Variants in CCDC3 observed in about 807,000 individuals in gnomAD.
CCDC3 encodes the protein coiled-coil domain containing 3.
A neutral mutation model predicts 21.4 loss-of-function variants in CCDC3; 24 were observed. That is an observed-to-expected ratio of 1.12 (90% CI 0.81 to 1.58). CCDC3 has a LOEUF of 1.58. Among genes scored for constraint, CCDC3 ranks in the 40% most tolerant of loss-of-function variants. The probability of loss-of-function intolerance (pLI) is 0.00; values close to 1 mark genes in which losing one functional copy is unlikely to be tolerated. For missense variants in CCDC3, 425 were observed against 360.9 expected, an observed-to-expected ratio of 1.18 and a Z score of -1.44; for synonymous variants, 186 against 166.0, an observed-to-expected ratio of 1.12 and a Z score of -0.93.
At chr10:12,903,851 GA>G (rs35280879) in intron 2 of CCDC3, among the ~76,000 whole-genome samples, 129,651 of 152,220 alleles carry the variant, frequency 0.85, 55,733 homozygotes, top group Middle Eastern at 0.92. Flanking sequence ...ACTGATTGTA[GA>G]AAAAACATTT....
intron 5 of CCDC3, among the ~76,000 whole-genome samples, chr10:13,023,679 G>A (rs961807042): frequency 6.6e-6 from 1 of 152,104 alleles, no homozygotes; most frequent in Non-Finnish European, 1.5e-5. Context: ...GCACTCTCTG[G>A]TCTCTAATGG....
chr10:12,998,164 C>CT (rs1428622665), intron 2 of CCDC3, among the ~76,000 whole-genome samples, 174 bp downstream of exon 2: 4 of 152,072 alleles, frequency 2.6e-5, no homozygotes, highest in East Asian at 3.9e-4. Flanking sequence ...TATGAATGGT[C>CT]TTTTTTAACA....
chr10:12,936,083 C>A (rs1834733179), intron 2 of CCDC3, among the ~76,000 whole-genome samples: 1 of 151,932 alleles, frequency 6.6e-6, no homozygotes, highest in East Asian at 1.9e-4. Context: ...GTATGTAGAT[C>A]CAAGTTTCTG....
chr10:12,983,055 T>C (rs1018780879), intron 2 of CCDC3, among the ~76,000 whole-genome samples: 1 of 147,534 alleles, frequency 6.8e-6, no homozygotes, highest in Non-Finnish European at 1.5e-5. Flanking sequence ...GAGGTTCCAG[T>C]GAGCCAAGGT....
intron 3 of CCDC3, among the ~76,000 whole-genome samples, chr10:13,093,145 C>A (rs769682829): frequency 3.3e-5 from 5 of 151,006 alleles, no homozygotes; most frequent in African/African-American, 4.9e-5. Flanking sequence ...TAAAGATATA[C>A]CTGATACTGG....
chr10:12,914,382 CT>C (rs776375807), intron 2 of CCDC3, among the ~76,000 whole-genome samples: 47 of 152,008 alleles, frequency 3.1e-4, no homozygotes, highest in Non-Finnish European at 6.0e-4. Flanking sequence ...CTGTGGTAGT[CT>C]TTTTTAGTCA....
chr10:12,966,245 A>G (rs61851347), intron 2 of CCDC3, among the ~76,000 whole-genome samples: 1,672 of 122,550 alleles, frequency 0.014, 1 homozygote, highest in South Asian at 0.022. Flanking sequence ...ACTATATGGT[A>G]CTCAGTTACC....
At chr10:13,077,037 G>C (rs1387259220) in intron 3 of CCDC3, among the ~76,000 whole-genome samples, 1 of 152,174 alleles carries the variant, frequency 6.6e-6, no homozygotes, top group African/African-American at 2.4e-5. Context: ...AAGAAATAAA[G>C]GGTATTCAAT....
chr10:12,971,679 C>G (rs1270555878), intron 2 of CCDC3, among the ~76,000 whole-genome samples: 3 of 152,126 alleles, frequency 2.0e-5, no homozygotes, highest in African/African-American at 7.2e-5. Context: ...TGCCCAAGCC[C>G]CGAAGTTTTT....
At chr10:12,969,790 C>G (rs186691077) in intron 2 of CCDC3, among the ~76,000 whole-genome samples, 85 of 149,452 alleles carry the variant, frequency 5.7e-4, no homozygotes, top group African/African-American at 2.0e-3. Context: ...AAGAGGAAAT[C>G]CTGTCATTTG....
At chr10:12,905,870 GAA>G (rs1834163076) in intron 2 of CCDC3, among the ~76,000 whole-genome samples, 1 of 152,194 alleles carries the variant, frequency 6.6e-6, no homozygotes. Flanking sequence ...GGTTAATTCT[GAA>G]AAGTTTACAT....
intron 4 of CCDC3, among the ~76,000 whole-genome samples, chr10:13,057,620 C>G (rs548946595): frequency 6.6e-6 from 1 of 151,994 alleles, no homozygotes; most frequent in Non-Finnish European, 1.5e-5. Context: ...GGGCTCACAC[C>G]TGTAATCCCA....
chr10:12,954,529 G>T (rs1442594750), intron 2 of CCDC3, among the ~76,000 whole-genome samples: 1 of 152,146 alleles, frequency 6.6e-6, no homozygotes, highest in East Asian at 1.9e-4. Flanking sequence ...TTCTGGTAGG[G>T]GCTCAGGAAG....
At chr10:13,060,117 A>C (rs189303230) in intron 4 of CCDC3, among the ~76,000 whole-genome samples, 1 of 152,016 alleles carries the variant, frequency 6.6e-6, no homozygotes, top group Non-Finnish European at 1.5e-5. Context: ...TTTTCTACAT[A>C]ATGGCTCCAA....
intron 2 of CCDC3, among the ~76,000 whole-genome samples, chr10:12,948,124 G>T (rs941555032): frequency 1.3e-5 from 2 of 152,022 alleles, no homozygotes; most frequent in Non-Finnish European, 2.9e-5. Flanking sequence ...TTTCCATGCT[G>T]TTCTCATTAT....
chr10:13,084,079 T>A (rs1297619502), intron 3 of CCDC3, among the ~76,000 whole-genome samples: 2 of 152,212 alleles, frequency 1.3e-5, no homozygotes, highest in African/African-American at 2.4e-5. Flanking sequence ...TTAAAGATAG[T>A]AATATCGATT....
At chr10:12,921,555 T>C (rs953913219) in intron 2 of CCDC3, among the ~76,000 whole-genome samples, 4 of 152,204 alleles carry the variant, frequency 2.6e-5, no homozygotes, top group East Asian at 1.9e-4. Context: ...CTCTTAAAAA[T>C]TGTAGCAAAA....
At chr10:12,998,607 A>G in intron 1 of CCDC3, 95 bp from the exon 2 acceptor site, 1 of 1,095,068 alleles carries the variant, frequency 9.1e-7, no homozygotes, top group Non-Finnish European at 1.3e-6. Context: ...GGGCTTGCCA[A>G]TTTCACATCA....
chr10:13,015,570 T>G (rs1194276164), intron 5 of CCDC3, among the ~76,000 whole-genome samples: 2 of 151,972 alleles, frequency 1.3e-5, no homozygotes, highest in Non-Finnish European at 2.9e-5. Flanking sequence ...ACCCCCAATT[T>G]ATAGAGAAGG....
Sources: gnomAD v4.1 joint callset for allele counts (sites outside exome capture counted in the v4.1 genomes callset) on GRCh38, gnomAD v4.1.1 for gene constraint, MANE v1.5 for transcripts, NCBI Gene and HGNC (gene_info 2026-07-23, HGNC 2026-07-21) for gene names.